Variants in OPCML observed in about 807,000 individuals in gnomAD.
OPCML encodes the protein opioid binding protein/cell adhesion molecule like.
In OPCML, 13 loss-of-function variants were observed where a neutral mutation model predicts 37.8. The ratio of observed to expected loss-of-function variants is 0.34; its 90% CI spans 0.22 to 0.55. OPCML has a LOEUF of 0.55. Among genes scored for constraint, OPCML ranks in the 20% least tolerant of loss-of-function variants. The pLI, the probability that OPCML is intolerant of heterozygous loss-of-function variation, is 0.91. For missense variants in OPCML, 341 were observed against 435.6 expected (o/e 0.78, Z 1.93); for synonymous variants, 176 against 168.8 (o/e 1.04, Z -0.33).
At chr11:133,149,475 A>G (rs1182708947) in intron 1 of OPCML, among the ~76,000 whole-genome samples, 1 of 152,236 alleles carries the variant, frequency 6.6e-6, no homozygotes, top group African/African-American at 2.4e-5. Flanking sequence ...AAGTTAATTT[A>G]CTTGCAAAGA....
intron 1 of OPCML, among the ~76,000 whole-genome samples, chr11:133,409,032 C>T (rs2136861273): frequency 6.6e-6 from 1 of 152,290 alleles, no homozygotes; most frequent in South Asian, 2.1e-4. Context: ...ACCTGGAAGA[C>T]AGAAGCAGTC....
chr11:132,417,752 C>T lies in OPCML; in HGVS notation c.*2441G>A, dbSNP rs1472487472. 6.6e-6 allele frequency: 1 copy of T among 152,216 alleles called. No homozygotes were observed. 9.4% of individuals were successfully genotyped at this position (152,216 alleles called of 1,614,324 possible). On this transcript the variant is annotated 3_prime_UTR_variant, in exon 8 of 8. Coordinates refer to ENST00000524381, the MANE Select transcript of OPCML (RefSeq NM_001012393.5). ...TCAGATGACACATTTAATTCTCATACACTATCTGACACCAACTCAACTCCA... is the reference window on the plus strand; with the variant it reads ...TCAGATGACACATTTAATTCTCATATACTATCTGACACCAACTCAACTCCA...
intron 1 of OPCML, among the ~76,000 whole-genome samples, chr11:133,316,166 T>C (rs1244493215): frequency 2.0e-5 from 3 of 152,110 alleles, no homozygotes; most frequent in Admixed American, 6.6e-5. Flanking sequence ...AGAGTCAGGC[T>C]TGTAAGGCCA....
chr11:133,307,127 T>C (rs769340323), intron 1 of OPCML, among the ~76,000 whole-genome samples: 3 of 152,146 alleles, frequency 2.0e-5, no homozygotes, highest in Non-Finnish European at 2.9e-5. Context: ...TGGAATTTCA[T>C]AGGCATAGCA....
At chr11:133,442,468 T>G (rs1946382703) in intron 1 of OPCML, among the ~76,000 whole-genome samples, 1 of 152,138 alleles carries the variant, frequency 6.6e-6, no homozygotes, top group Admixed American at 6.6e-5. Context: ...AGTTAACATA[T>G]GCAAAGACAT....
chr11:132,571,027 G>T (rs2096437211), intron 3 of OPCML, among the ~76,000 whole-genome samples: 1 of 151,674 alleles, frequency 6.6e-6, no homozygotes, highest in Non-Finnish European at 1.5e-5. Context: ...CTTCAATGTG[G>T]GTGGGCACCA....
Position 132,898,897 on chromosome 11 carries a change from T to C in OPCML, c.146+44029A>G, listed in dbSNP as rs139551610. Among the ~76,000 whole-genome samples, 257 of 146,418 alleles carry C rather than the reference T, an allele frequency of 1.8e-3. 2 individuals are homozygous for C. Among genetic ancestry groups the C allele is most frequent in the African/African-American group, 6.4e-3 (248 of 38,628 alleles). On this transcript the variant is annotated intron_variant, in intron 2 of 7. Transcript: ENST00000524381. ...CATGCTTCTGAGTCAACTGGCTATG[T>C]TATGGTGCTGACTGGGTGACTGATC...
At chr11:132,758,071 C>T (rs1195876673) in intron 2 of OPCML, among the ~76,000 whole-genome samples, 2 of 152,128 alleles carry the variant, frequency 1.3e-5, no homozygotes, top group East Asian at 3.9e-4. Flanking sequence ...TTCCCCATTG[C>T]TTGTTTTTGT....
At chr11:132,966,804 C>A (rs1591857395) in intron 1 of OPCML, among the ~76,000 whole-genome samples, 2 of 152,074 alleles carry the variant, frequency 1.3e-5, no homozygotes, top group East Asian at 3.9e-4. Context: ...AGTAAAATGT[C>A]CTTCAATCTG....
intron 2 of OPCML, among the ~76,000 whole-genome samples, chr11:132,862,442 G>C (rs543802622): frequency 6.6e-6 from 1 of 151,350 alleles, no homozygotes; most frequent in South Asian, 2.1e-4. Flanking sequence ...GAGCTGGACA[G>C]GCTCATAAAC....
rs1236842892 is a variant in OPCML, at chr11:133,208,278, A to G, written c.62-265268T>C. Among the ~76,000 whole-genome samples the G allele has an allele frequency of 6.6e-6, 1 of 152,198 alleles. No homozygotes were observed. Among genetic ancestry groups the G allele is most frequent in the African/African-American group, 2.4e-5 (1 of 41,452 alleles). On this transcript the variant is annotated intron_variant, in intron 1 of 7. Transcript: ENST00000524381. The surrounding 1 kb of genome is among the most constrained non-coding windows in gnomAD (Gnocchi z 8.9). ...ACTGTATTGTTGTATTACCACGTATAAATACCAGTGAGTGAATGAATGCGG... is the reference window on the plus strand; with the variant it reads ...ACTGTATTGTTGTATTACCACGTATGAATACCAGTGAGTGAATGAATGCGG...
chr11:132,441,910 G>A (rs1249759387), intron 4 of OPCML, among the ~76,000 whole-genome samples: 1 of 152,136 alleles, frequency 6.6e-6, no homozygotes, highest in Non-Finnish European at 1.5e-5. Flanking sequence ...CATTCCAACA[G>A]CACAGTCACA....
intron 3 of OPCML, among the ~76,000 whole-genome samples, chr11:132,649,693 A>G (rs1404183485): frequency 6.6e-6 from 1 of 152,094 alleles, no homozygotes; most frequent in Non-Finnish European, 1.5e-5. Context: ...ACATATATAC[A>G]CCTCAAACAT....
chr11:133,185,183 C>G (rs7927105), intron 1 of OPCML, among the ~76,000 whole-genome samples: 40 of 152,286 alleles, frequency 2.6e-4, no homozygotes, highest in Admixed American at 7.8e-4. Flanking sequence ...TGTATTAGCC[C>G]TAAAATACCT....
In OPCML at chr11:133,141,005, ACGACGACGACGAC is replaced by A. The variant is rs1949804678; in HGVS notation, c.62-198008_62-197996del. ...GAAGAAGAAGAAGAAGAAGACGACG[ACGACGACGACGAC>A]GACGACGACGACGACGACGACGACG... On this transcript the variant is annotated intron_variant, in intron 1 of 7. Coordinates refer to ENST00000524381, the MANE Select transcript of OPCML (RefSeq NM_001012393.5). Among the ~76,000 whole-genome samples, 2 of 9,934 alleles carry A rather than the reference ACGACGACGACGAC, an allele frequency of 2.0e-4. 1 individual carries two copies. The highest frequency in any genetic ancestry group is 6.3e-4 in the Non-Finnish European group (2 of 3,200). The allele number at this position is 9,934 out of a possible 152,430, so 6.5% of individuals were successfully genotyped here. A position where few individuals can be genotyped will look rare whatever the true frequency, so the allele number is the denominator to read the frequency against.
intron 2 of OPCML, among the ~76,000 whole-genome samples, chr11:132,871,038 A>G (rs2136393217): frequency 6.6e-6 from 1 of 152,310 alleles, no homozygotes; most frequent in African/African-American, 2.4e-5. Context: ...AATTCCTAAA[A>G]GAGTAGATTT....
At chr11:132,967,164 CTA>C (rs1946235350) in intron 1 of OPCML, among the ~76,000 whole-genome samples, 1 of 151,980 alleles carries the variant, frequency 6.6e-6, no homozygotes, top group African/African-American at 2.4e-5. Context: ...CTTTTTCACT[CTA>C]TTTTATTGAG....
chr11:133,202,217 G>C (rs2136321460), intron 1 of OPCML, among the ~76,000 whole-genome samples: 1 of 152,256 alleles, frequency 6.6e-6, no homozygotes, highest in East Asian at 1.9e-4. Context: ...TCCACCTCCG[G>C]CTGAAGCCAT....
intron 4 of OPCML, among the ~76,000 whole-genome samples, chr11:132,503,286 C>T (rs1340414571): frequency 6.6e-6 from 1 of 152,104 alleles, no homozygotes; most frequent in East Asian, 1.9e-4. Flanking sequence ...AAAGGTTCTC[C>T]TTGGTGCCAT....
Sources: allele counts gnomAD v4.1 joint callset (sites outside exome capture counted in the v4.1 genomes callset), GRCh38; gene constraint gnomAD v4.1.1; non-coding constraint Gnocchi (gnomAD v3.1); transcripts MANE v1.5; gene names NCBI Gene and HGNC (gene_info 2026-07-23, HGNC 2026-07-21).